Variants in PAX8 observed in about 807,000 individuals in gnomAD.
PAX8 encodes the protein paired box protein Pax-8.
PAX8 carries 15 observed loss-of-function variants against 52.4 expected under a neutral mutation model. The ratio of observed to expected loss-of-function variants is 0.29; its 90% CI spans 0.19 to 0.44. The LOEUF (loss-of-function observed/expected upper bound fraction) is 0.44. PAX8 is among the 20% of genes least tolerant of loss of function. The pLI, the probability that PAX8 is intolerant of heterozygous loss-of-function variation, is 1.00. For synonymous variants in PAX8, 284 were observed against 249.7 expected (o/e 1.14, Z -1.29); for missense variants, 554 against 602.5 (o/e 0.92, Z 0.84).
chr2:113,268,843 C>T (rs1693272409), intron 2 of PAX8: 1 of 152,408 alleles, frequency 6.6e-6, no homozygotes, highest in African/African-American at 2.4e-5. Context: ...GCAGCTATGT[C>T]ACTGTAAGCA....
At chr2:113,243,852 T>C (rs976349124) in intron 4 of PAX8, among the ~76,000 whole-genome samples, 1 of 152,262 alleles carries the variant, frequency 6.6e-6, no homozygotes, top group Non-Finnish European at 1.5e-5. Flanking sequence ...TTCATGTTCC[T>C]TTTCTTAGCA....
At chr2:113,231,519 T>A (rs549152825) in intron 9 of PAX8, among the ~76,000 whole-genome samples, 1 of 149,924 alleles carries the variant, frequency 6.7e-6, no homozygotes, top group South Asian at 2.2e-4. Context: ...CGGAAATAAG[T>A]GACCCAGAGA....
Position 113,246,614 on chromosome 2 carries a change from CTG to C in PAX8, c.191+138_191+139del, listed in dbSNP as rs200147684. The C allele has an allele frequency of 2.7e-3, 2,375 of 865,770 alleles. 42 individuals carry two copies. The African/African-American group carries it at 0.035, about 13-fold the overall frequency. 53.6% of individuals were successfully genotyped at this position (865,770 alleles called of 1,614,324 possible). A position where few individuals can be genotyped will look rare whatever the true frequency, so the allele number is the denominator to read the frequency against. On this transcript the variant is annotated intron_variant, in intron 3 of 11. Transcript: ENST00000429538. The stretch of plus-strand genomic sequence containing the variant: ...TAGAGGCCCAGAAGGACCACCATAA[CTG>C]TTCAGGTCTCAGGACCAAAGCTGGA...
chr2:113,257,183 A>G (rs1692324794), intron 2 of PAX8, among the ~76,000 whole-genome samples: 1 of 152,138 alleles, frequency 6.6e-6, no homozygotes, highest in Non-Finnish European at 1.5e-5. Flanking sequence ...TCTCTCTTCT[A>G]AAATCCTTAG....
intron 7 of PAX8, 162 bp from the exon 8 acceptor site, chr2:113,236,883 C>T (rs1211270836): frequency 6.1e-6 from 5 of 813,842 alleles, no homozygotes; most frequent in Admixed American, 5.9e-5. Flanking sequence ...CGGCACGTTT[C>T]GTTCATGCTC....
At chr2:113,242,668 A>T in intron 5 of PAX8, 22 bp downstream of exon 5, 1 of 1,546,426 alleles carries the variant, frequency 6.5e-7, no homozygotes, top group Non-Finnish European at 8.9e-7. Flanking sequence ...ATGTGTGTGT[A>T]TCCAGGTCTC....
At chr2:113,274,184 A>G (rs1693653095) in intron 2 of PAX8, 1 of 152,180 alleles carries the variant, frequency 6.6e-6, no homozygotes, top group Non-Finnish European at 1.5e-5. Flanking sequence ...CAACACTCGA[A>G]TCTCTTTATA....
intron 2 of PAX8, among the ~76,000 whole-genome samples, chr2:113,277,268 G>C (rs1693884431): frequency 6.6e-6 from 1 of 152,134 alleles, no homozygotes; most frequent in Admixed American, 6.5e-5. Flanking sequence ...GGCGCCCCAG[G>C]GGGTTCCCGC....
At chr2:113,226,726 T>C (rs11123172) in intron 10 of PAX8, 409,501 of 1,122,860 alleles carry the variant, frequency 0.36, 75,217 homozygotes, top group South Asian at 0.43. Context: ...ACAGAACGGG[T>C]AAACTGGGAT....
chr2:113,265,523 A>C (rs1196597576), intron 2 of PAX8: 2 of 152,426 alleles, frequency 1.3e-5, no homozygotes, highest in Admixed American at 1.3e-4. Context: ...GGGACTCTGC[A>C]TCTCTGCTGG....
At chr2:113,274,151 T>C (rs1693651220) in intron 2 of PAX8, 1 of 152,202 alleles carries the variant, frequency 6.6e-6, no homozygotes, top group African/African-American at 2.4e-5. Context: ...TCACAGGGGC[T>C]TTAATAATAA....
intron 7 of PAX8, 70 bp downstream of exon 7, chr2:113,241,481 G>T (rs1463245273): frequency 2.8e-6 from 4 of 1,447,696 alleles, no homozygotes; most frequent in Non-Finnish European, 3.8e-6. Context: ...TGGAGCACAG[G>T]CTCATTTGGA....
At chr2:113,271,924 G>A (rs965966624) in intron 2 of PAX8, 7 of 152,002 alleles carry the variant, frequency 4.6e-5, no homozygotes, top group Non-Finnish European at 8.8e-5. Context: ...GCAGTCCTCA[G>A]AGAGAAGAAT....
intron 2 of PAX8, among the ~76,000 whole-genome samples, chr2:113,247,788 A>T (rs1691450010): frequency 6.6e-6 from 1 of 152,248 alleles, no homozygotes; most frequent in Non-Finnish European, 1.5e-5. Context: ...CAGGTCCCTG[A>T]TGATGCCAAG....
At chr2:113,236,840 G>C (rs1110839) in intron 7 of PAX8, 119 bp from the exon 8 acceptor site, 3 of 1,133,214 alleles carry the variant, frequency 2.6e-6, no homozygotes, top group East Asian at 2.7e-5. Flanking sequence ...GGTCCTCATC[G>C]CCCCCTTCTT....
intron 4 of PAX8, 120 bp from the exon 5 acceptor site, chr2:113,242,898 A>C: frequency 1.4e-6 from 1 of 740,080 alleles, no homozygotes. Context: ...CTTGAAACTC[A>C]ACTGTCCACA....
chr2:113,245,502 G>A (rs948020556), intron 3 of PAX8, among the ~76,000 whole-genome samples: 2 of 152,094 alleles, frequency 1.3e-5, no homozygotes, highest in African/African-American at 4.8e-5. Flanking sequence ...GTTTTAGCAG[G>A]TTCAAGTTGA....
In PAX8 at chr2:113,242,141, G is replaced by A. The variant is rs770632713; in HGVS notation, c.479-11C>T. 2.5e-6 allele frequency: 4 copies of A among 1,609,358 alleles called. No homozygotes were observed. The highest frequency in any genetic ancestry group is 4.5e-5 in the East Asian group (2 of 44,802). Reference sequence around the variant, plus strand: ...CAGCTGAGCTGGGGACTGCAGTGGGGGAGAGGGAGAGGGTCAGGGGTGGGA... The same window carrying A: ...CAGCTGAGCTGGGGACTGCAGTGGGAGAGAGGGAGAGGGTCAGGGGTGGGA... On this transcript the variant is annotated splice_polypyrimidine_tract_variant and intron_variant, in intron 5 of 11. Coordinates refer to ENST00000429538, the MANE Select transcript of PAX8 (RefSeq NM_003466.4).
intron 2 of PAX8, among the ~76,000 whole-genome samples, chr2:113,254,713 C>T (rs913384389): frequency 1.3e-5 from 2 of 152,190 alleles, no homozygotes; most frequent in East Asian, 3.8e-4. Flanking sequence ...AGCCTCATTT[C>T]TTACCTGTCT....
Sources: gnomAD v4.1 joint callset for allele counts (sites outside exome capture counted in the v4.1 genomes callset) on GRCh38, gnomAD v4.1.1 for gene constraint, MANE v1.5 for transcripts, NCBI Gene and HGNC (gene_info 2026-07-23, HGNC 2026-07-21) for gene names.